The following ZNF8 variants were observed in gnomAD, a reference collection of about 807,000 sequenced individuals.
The protein encoded by ZNF8 is zinc finger protein 8, also known as zinc finger protein 272.
Under a neutral mutation model 12.2 loss-of-function variants are expected in ZNF8, and 9 were observed. The observed-to-expected ratio is 0.73, with a 90% confidence interval of 0.44 to 1.28. ZNF8 has a LOEUF of 1.28. ZNF8 is among the 50% of genes most tolerant of loss of function. ZNF8 has a pLI of 0.00. For missense variants in ZNF8, 664 were observed against 729.1 expected, an observed-to-expected ratio of 0.91 and a Z score of 1.03; for synonymous variants, 274 against 282.3, an observed-to-expected ratio of 0.97 and a Z score of 0.30.
Position 58,295,408 on chromosome 19 carries a change from G to A in ZNF8, c.1600G>A (p.Glu534Lys), listed in dbSNP as rs201383993. The A allele has an allele frequency of 4.9e-4, 794 of 1,614,156 alleles. 2 individuals are homozygous for A. The highest frequency in any genetic ancestry group is 6.1e-4 in the Non-Finnish European group (724 of 1,180,018). Residue 534 changes from glutamate (E) to lysine (K), a missense_variant, in exon 4 of 4, where the codon GAA becomes AAA. Coordinates refer to ENST00000621650, the MANE Select transcript of ZNF8 (RefSeq NM_021089.3). The part of the protein sequence containing the change: ...SAGGAKAGQP[E>K]SRALALFDIQ... ...AGGCGGAGCAAAGGCAGGGCAGCCGGAAAGCAGAGCCCTGGCTTTGTTTGA... is the reference window on the plus strand; with the variant it reads ...AGGCGGAGCAAAGGCAGGGCAGCCGAAAAGCAGAGCCCTGGCTTTGTTTGA...
chr19:58,284,996 C>T (rs142922659), intron 1 of ZNF8, among the ~76,000 whole-genome samples: 108 of 152,268 alleles, frequency 7.1e-4, no homozygotes, highest in African/African-American at 2.6e-3. Flanking sequence ...TCCATGCTCC[C>T]CATCACCTCC....
chr19:58,279,272 ACT>A, intron 1 of ZNF8, 125 bp downstream of exon 1: 1 of 1,522,052 alleles, frequency 6.6e-7, no homozygotes, highest in Non-Finnish European at 8.8e-7. Flanking sequence ...ACGTGGGGAA[ACT>A]CAGACGCGGG....
At chr19:58,286,456 A>G in intron 3 of ZNF8, 1 of 382,584 alleles carries the variant, frequency 2.6e-6, no homozygotes, top group South Asian at 3.1e-5. Context: ...GGAGTCATTC[A>G]GGATGTGCCA....
intron 1 of ZNF8, among the ~76,000 whole-genome samples, chr19:58,282,270 ATCT>A (rs1194977490): frequency 6.6e-6 from 1 of 152,064 alleles, no homozygotes; most frequent in African/African-American, 2.4e-5. Flanking sequence ...CCATTTGTGT[ATCT>A]TCTTTTATAT....
chr19:58,286,390 G>T, intron 3 of ZNF8, 185 bp downstream of exon 3: 1 of 530,880 alleles, frequency 1.9e-6, no homozygotes, highest in Non-Finnish European at 3.4e-6. Context: ...GGGGAAAGGC[G>T]CGTGGGGATA....
At position 58,298,415 on chromosome 19, in the gene ZNF8, C is replaced by T. The variant is rs1443539905; in HGVS notation, c.*2879C>T. On this transcript the variant is annotated 3_prime_UTR_variant, in exon 4 of 4. Coordinates refer to ENST00000621650, the MANE Select transcript of ZNF8 (RefSeq NM_021089.3). The stretch of plus-strand genomic sequence containing the variant: ...TCTTGGCTCACTGCAACCTCCGCCT[C>T]CCGGGTTCAAGCAGTTCTCATGCTT... The T allele has an allele frequency of 6.6e-6, 1 of 152,310 alleles. No homozygotes were observed. Among genetic ancestry groups the T allele is most frequent in the Non-Finnish European group, 1.5e-5 (1 of 68,216 alleles). 9.4% of individuals were successfully genotyped at this position (152,310 alleles called of 1,614,324 possible). A position where few individuals can be genotyped will look rare whatever the true frequency, so the allele number is the denominator to read the frequency against.
At chr19:58,284,848 C>T (rs1026045520) in intron 1 of ZNF8, among the ~76,000 whole-genome samples, 1 of 152,142 alleles carries the variant, frequency 6.6e-6, no homozygotes, top group Non-Finnish European at 1.5e-5. Context: ...GACTCTACCT[C>T]AAAAAGAAAA....
rs536156384 is a variant in ZNF8 at position 58,301,944 on chromosome 19, A to C, written c.*6408A>C. The C allele has an allele frequency of 6.6e-6, 1 of 152,278 alleles. No homozygotes were observed. Among genetic ancestry groups the C allele is most frequent in the South Asian group, 2.1e-4 (1 of 4,828 alleles). The allele number at this position is 152,278 out of a possible 1,614,324, so 9.4% of individuals were successfully genotyped here. A position where few individuals can be genotyped will look rare whatever the true frequency, so the allele number is the denominator to read the frequency against. On this transcript the variant is annotated 3_prime_UTR_variant, in exon 4 of 4. Coordinates refer to ENST00000621650, the MANE Select transcript of ZNF8 (RefSeq NM_021089.3). Reference sequence around the variant, plus strand: ...TTATGCTATTGATTTTAAAAGTAAAAATTTGGAAAGAACCTCCATGTCCAC... The same window carrying C: ...TTATGCTATTGATTTTAAAAGTAAACATTTGGAAAGAACCTCCATGTCCAC...
chr19:58,279,806 C>G (rs1211928239), intron 1 of ZNF8: 1 of 1,443,602 alleles, frequency 6.9e-7, no homozygotes, highest in Non-Finnish European at 9.2e-7. Flanking sequence ...CCTGTGTTCT[C>G]CATAAAGCTG....
At chr19:58,281,592 A>G (rs1188678918) in intron 1 of ZNF8, among the ~76,000 whole-genome samples, 1 of 152,040 alleles carries the variant, frequency 6.6e-6, no homozygotes. Context: ...AGAATGGGTG[A>G]TGATGGGAGG....
At chr19:58,279,756 T>TGGCCATCA in intron 1 of ZNF8, 4 of 1,499,336 alleles carry the variant, frequency 2.7e-6, no homozygotes, top group Non-Finnish European at 3.6e-6. Context: ...CAGGGCCATC[T>TGGCCATCA]GGCCATCAGA....
Position 58,285,605 on chromosome 19 carries a change from G to A in ZNF8, c.67-112G>A, listed in dbSNP as rs372286278. On this transcript the variant is annotated intron_variant, in intron 1 of 3. Coordinates refer to ENST00000621650, the MANE Select transcript of ZNF8 (RefSeq NM_021089.3). ...AGACCTGACTCCCATCATTCATAACGTGCAGTCTCTCGTGACACAGGCCTG... is the reference window on the plus strand; with the variant it reads ...AGACCTGACTCCCATCATTCATAACATGCAGTCTCTCGTGACACAGGCCTG... 15 of 1,466,938 alleles carry A rather than the reference G, an allele frequency of 1.0e-5. No individual in the cohort carries two copies. The Admixed American group carries it at 2.4e-4, about 23-fold the overall frequency. The allele number at this position is 1,466,938 out of a possible 1,614,324, so 90.9% of individuals were successfully genotyped here. A position where few individuals can be genotyped will look rare whatever the true frequency, so the allele number is the denominator to read the frequency against.
Position 58,300,419 on chromosome 19 carries a change from T to TA in ZNF8, c.*4884dup, listed in dbSNP as rs1484891044. The stretch of plus-strand genomic sequence containing the variant: ...AAGGGGGAATGGGCAGGCCAACACT[T>TA]ACCGCTGATGGTGTTTAAAGGAAAA... On this transcript the variant is annotated 3_prime_UTR_variant, in exon 4 of 4. Coordinates refer to ENST00000621650, the MANE Select transcript of ZNF8 (RefSeq NM_021089.3). The TA allele has an allele frequency of 1.3e-5, 2 of 152,254 alleles. No homozygotes were observed. The highest frequency in any genetic ancestry group is 2.9e-5 in the Non-Finnish European group (2 of 68,062). The allele number at this position is 152,254 out of a possible 1,614,324, so 9.4% of individuals were successfully genotyped here.
rs754968392 is a variant in ZNF8 at position 58,295,255 on chromosome 19, A to G, written c.1447A>G (p.Ile483Val). The change falls in exon 4 of 4, where the codon ATC (isoleucine) becomes GTC (valine). Residue 483 changes from isoleucine (I) to valine (V), a missense_variant. Around this residue, in one of 3 missense-constraint regions of ZNF8, gnomAD observed 225 missense variants for 222.0 expected, o/e 1.01. Coordinates refer to ENST00000621650, the MANE Select transcript of ZNF8 (RefSeq NM_021089.3). ...GKCFIQSSHL[I>V]RHQITHTREE... ...GTGTTTCATTCAGAGCTCTCACCTCATCCGGCACCAGATAACTCACACCAG... is the reference window on the plus strand; with the variant it reads ...GTGTTTCATTCAGAGCTCTCACCTCGTCCGGCACCAGATAACTCACACCAG... 1.2e-6 allele frequency: 2 copies of G among 1,614,238 alleles called. No individual in the cohort carries two copies. The highest frequency in any genetic ancestry group is 1.7e-6 in the Non-Finnish European group (2 of 1,180,042).
chr19:58,285,582 A>G, intron 1 of ZNF8, 135 bp from the exon 2 acceptor site: 1 of 1,281,530 alleles, frequency 7.8e-7, no homozygotes, highest in Non-Finnish European at 1.1e-6. Context: ...GCCCAGTGAG[A>G]CCTGACTCCC....
chr19:58,285,797 C>G lies in ZNF8; in HGVS notation c.147C>G (p.Leu49=). The change falls in exon 2 of 4, where the codon CTC becomes CTG. Residue 49 remains leucine, a synonymous_variant. Transcript: ENST00000621650. ...WGQLDPTQRI[L]YRDVMLETFG... ...AGCTGGACCCTACCCAGAGGATCCT[C>G]TACCGTGACGTGATGCTGGAGACCT... The G allele has an allele frequency of 6.2e-7, 1 of 1,614,102 alleles. No individual in the cohort carries two copies. The highest frequency in any genetic ancestry group is 1.1e-5 in the South Asian group (1 of 91,068).
Position 58,278,964 on chromosome 19 carries a change from G to T in ZNF8, c.-118G>T. 8.1e-7 allele frequency: 1 copy of T among 1,237,872 alleles called. No individual in the cohort carries two copies. The highest frequency in any genetic ancestry group is 2.9e-5 in the East Asian group (1 of 34,020). 76.7% of individuals were successfully genotyped at this position (1,237,872 alleles called of 1,614,324 possible). On this transcript the variant is annotated 5_prime_UTR_variant, in exon 1 of 4. Transcript: ENST00000621650. ...CGGCCTACTGGGAGTTGTAGTCGCC[G>T]CGTCGCCGGTGCGGCCGCCATTGTC...
In ZNF8 at chr19:58,279,027, T is replaced by G. The variant is rs1600449102; in HGVS notation, c.-55T>G. The G allele has an allele frequency of 7.4e-7, 1 of 1,347,688 alleles. No individual in the cohort carries two copies. The highest frequency in any genetic ancestry group is 1.5e-5 in the African/African-American group (1 of 66,338). 83.5% of individuals were successfully genotyped at this position (1,347,688 alleles called of 1,614,324 possible). ...AGTCGGGTGGTCCCTTTGGCTGGAG[T>G]GCCTCTCTGGTCTGGGGATCACCTC... On this transcript the variant is annotated 5_prime_UTR_variant, in exon 1 of 4. Coordinates refer to ENST00000621650, the MANE Select transcript of ZNF8 (RefSeq NM_021089.3).
At chr19:58,284,085 G>A (rs1373845051) in intron 1 of ZNF8, among the ~76,000 whole-genome samples, 1 of 152,070 alleles carries the variant, frequency 6.6e-6, no homozygotes, top group African/African-American at 2.4e-5. Context: ...TTAGCTGGGT[G>A]TGGTGGCGTG....
Sources: gnomAD v4.1 joint callset for allele counts (sites outside exome capture counted in the v4.1 genomes callset) on GRCh38, gnomAD v4.1.1 for gene constraint, gnomAD v4.1.1 regional missense constraint, MANE v1.5 for transcripts, NCBI Gene and HGNC (gene_info 2026-07-23, HGNC 2026-07-21) for gene names.